The following SPTBN2 variants were observed in gnomAD, a reference collection of about 807,000 sequenced individuals.
The protein encoded by SPTBN2 is spectrin beta chain, non-erythrocytic 2.
Under a neutral mutation model 284.2 loss-of-function variants are expected in SPTBN2, and 107 were observed. The ratio of observed to expected loss-of-function variants is 0.38; its 90% confidence interval spans 0.32 to 0.44. The LOEUF is 0.44. SPTBN2 is among the 20% of genes least tolerant of loss of function. SPTBN2 has a pLI of 1.00. For missense variants in SPTBN2, 2,569 were observed against 3,287.1 expected (o/e 0.78, Z 5.34); for synonymous variants, 1,289 against 1,354.8 (o/e 0.95, Z 1.07).
intron 1 of SPTBN2, among the ~76,000 whole-genome samples, chr11:66,722,892 CAA>C (rs1293210992): frequency 4.9e-4 from 27 of 55,202 alleles, no homozygotes; most frequent in South Asian, 6.3e-4. Context: ...GATTCTGCCT[CAA>C]AAAAAAAAAA....
chr11:66,682,795 C>T lies in SPTBN2; in HGVS notation c.*3076G>A, dbSNP rs960504163. 6.6e-6 allele frequency among the ~76,000 whole-genome samples: 1 copy of T among 151,738 alleles called. No homozygotes were observed. The highest frequency in any genetic ancestry group is 2.4e-5 in the African/African-American group (1 of 41,300). ...TTTTTTTTTTTGAGACAGGGTCTCA[C>T]TTTATTGCCTAGACTGGAGTGCAGT... On this transcript the variant is annotated 3_prime_UTR_variant, in exon 38 of 38. Transcript: ENST00000533211.
chr11:66,718,060 T>C lies in SPTBN2; in HGVS notation c.158-2079A>G, dbSNP rs551367866. Among the ~76,000 whole-genome samples, 66 of 151,986 alleles carry C rather than the reference T, an allele frequency of 4.3e-4. No individual in the cohort carries two copies. The highest frequency in any genetic ancestry group is 8.2e-4 in the Non-Finnish European group (56 of 67,988). On this transcript the variant is annotated intron_variant, in intron 3 of 37. Coordinates refer to ENST00000533211, the MANE Select transcript of SPTBN2 (RefSeq NM_006946.4). The surrounding 1 kb of genome is among the most constrained non-coding windows in gnomAD (Gnocchi z 4.8). ...GGCTCACCCCTCCGCCTCCCCTAAC[T>C]GTCCTGGCCAGCGCTCCACCGCCAG...
At chr11:66,736,707 G>A (rs1010966548) in intron 1 of SPTBN2, among the ~76,000 whole-genome samples, 6 of 152,168 alleles carry the variant, frequency 3.9e-5, no homozygotes, top group Non-Finnish European at 8.8e-5. Context: ...GGAAGGCTTC[G>A]GGGTTCCTCA....
chr11:66,743,138 G>T (rs1182383126), intron 1 of SPTBN2, among the ~76,000 whole-genome samples: 1 of 151,900 alleles, frequency 6.6e-6, no homozygotes, highest in Non-Finnish European at 1.5e-5. Context: ...GGAGCTCTGC[G>T]GGGGGTGTGG....
In SPTBN2 at chr11:66,693,355, T is replaced by A; in HGVS notation, c.4685A>T (p.Glu1562Val). 6.2e-7 allele frequency: 1 copy of A among 1,607,004 alleles called. No homozygotes were observed. Among genetic ancestry groups the A allele is most frequent in the Non-Finnish European group, 8.5e-7 (1 of 1,179,996 alleles). The change falls in exon 24 of 38, where the codon GAG becomes GTG. Residue 1562 changes from glutamate (E) to valine (V), a missense_variant. Glu to Val is a moderately radical substitution (Grantham distance 121, BLOSUM62 -2). Transcript: ENST00000533211. The surrounding 1 kb of genome is among the most constrained non-coding windows in gnomAD (Gnocchi z 5.7). ...RALGAAAAGP[E>V]LAELQEMWKR... ...CCACATTTCCTGCAGCTCAGCCAGC[T>A]CTGGACCTGCTGCTGCTGCACCTAG...
rs760892086 is a variant in SPTBN2, at chr11:66,687,162, C to T, written c.6728G>A (p.Trp2243Ter). 1 of 1,613,802 alleles carries T rather than the reference C, an allele frequency of 6.2e-7. No individual in the cohort carries two copies. The highest frequency in any genetic ancestry group is 1.3e-5 in the African/African-American group (1 of 74,948). The stretch of plus-strand genomic sequence containing the variant: ...CCGCAGGACACAGTACACGTTCTGC[C>T]AGGACCTGCGAGGGACGCGGTGCTG... Reference protein sequence around the residue: ...AFGKKAANRSWQNVYCVLRRG... With the variant: ...AFGKKAANRS Residue 2243 changes from tryptophan (W) to a stop codon, truncating the protein, a stop_gained, in exon 36 of 38, where the codon TGG becomes TAG. Coordinates refer to ENST00000533211, the MANE Select transcript of SPTBN2 (RefSeq NM_006946.4). LOFTEE classifies it high-confidence loss of function. This position sits in a 1 kb window ranked among gnomAD's most constrained non-coding sequence, Gnocchi z 5.2.
At position 66,707,851 on chromosome 11, in the gene SPTBN2, A is replaced by G. The variant is rs1343060119; in HGVS notation, c.1351-33T>C. 1 of 1,602,414 alleles carries G rather than the reference A, an allele frequency of 6.2e-7. No individual in the cohort carries two copies. The highest frequency in any genetic ancestry group is 2.2e-5 in the East Asian group (1 of 44,844). ...GGGGGCAGGGAGAGGAGGTGTGGGG[A>G]CCAAGGGACAGTGCCTCTGCCTGCT... On this transcript the variant is annotated intron_variant, in intron 12 of 37. Transcript: ENST00000533211. The surrounding 1 kb of genome is among the most constrained non-coding windows in gnomAD (Gnocchi z 4.9).
At chr11:66,696,849 T>C (rs563748635) in intron 20 of SPTBN2, among the ~76,000 whole-genome samples, 13 of 152,332 alleles carry the variant, frequency 8.5e-5, no homozygotes, top group African/African-American at 1.4e-4. Context: ...ACACTGCACA[T>C]TGACTTGAGT....
Position 66,688,713 on chromosome 11 carries a change from G to T in SPTBN2, c.6171C>A (p.Ala2057=). Residue 2057 remains alanine (A), a synonymous_variant, in exon 31 of 38, where the codon GCC becomes GCA. Transcript: ENST00000533211. ...EVESLIKRHE[A]FQKSAVAWEE... Reference sequence around the variant, plus strand: ...CCCAGGCCACTGCTGACTTCTGGAAGGCCTCGTGCCGCTTGATGAGGCTCT... The same window carrying T: ...CCCAGGCCACTGCTGACTTCTGGAATGCCTCGTGCCGCTTGATGAGGCTCT... 1 of 1,613,942 alleles carries T rather than the reference G, an allele frequency of 6.2e-7. No individual in the cohort carries two copies. The highest frequency in any genetic ancestry group is 8.5e-7 in the Non-Finnish European group (1 of 1,180,024).
At position 66,691,313 on chromosome 11, in the gene SPTBN2, C is replaced by G. The variant is rs753335851; in HGVS notation, c.5536G>C (p.Glu1846Gln). 3.2e-6 allele frequency: 5 copies of G among 1,544,776 alleles called. No individual in the cohort carries two copies. The South Asian group carries it at 6.2e-5, about 19-fold the overall frequency. The change falls in exon 27 of 38, where the codon GAG becomes CAG. Residue 1846 changes from glutamate (E) to glutamine (Q), a missense_variant. Physicochemically the swap from Glu to Gln is conservative, Grantham distance 29. Coordinates refer to ENST00000533211, the MANE Select transcript of SPTBN2 (RefSeq NM_006946.4). This position sits in a 1 kb window ranked among gnomAD's most constrained non-coding sequence, Gnocchi z 8.0. ...GGGCTGAGGGCCTGAATGTCATGCT[C>G]GTAGGCACAGTGTCGGCGCTGCAGG... The part of the protein sequence containing the change: ...EALQRRHCAY[E>Q]HDIQALSPQV...
rs1941129690 is a variant in SPTBN2 at position 66,699,600 on chromosome 11, A to T, written c.3582T>A (p.Val1194=). ...TCCCTGGCATCTCCGTGTGAGACAGAACATATTCCTGTGTGGGAGGGATGA... is the reference window on the plus strand; with the variant it reads ...TCCCTGGCATCTCCGTGTGAGACAGTACATATTCCTGTGTGGGAGGGATGA... ...AEGVLSSQEY[V]LSHTEMPGTL... The change falls in exon 18 of 38, where the codon GTT becomes GTA. Residue 1194 remains valine, a synonymous_variant. Transcript: ENST00000533211. 6.2e-7 allele frequency: 1 copy of T among 1,613,930 alleles called. No homozygotes were observed. Among genetic ancestry groups the T allele is most frequent in the Non-Finnish European group, 8.5e-7 (1 of 1,180,018 alleles).
chr11:66,686,372 A>C, intron 37 of SPTBN2, 26 bp downstream of exon 37: 1 of 1,614,060 alleles, frequency 6.2e-7, no homozygotes, highest in Non-Finnish European at 8.5e-7. Flanking sequence ...TGGCACGGAC[A>C]GAGAGGAACA....
intron 1 of SPTBN2, among the ~76,000 whole-genome samples, chr11:66,742,731 TC>T (rs1590999950): frequency 1.3e-5 from 2 of 152,186 alleles, no homozygotes; most frequent in East Asian, 3.9e-4. Context: ...TGCCTCAGCC[TC>T]CCAGGTAGCT....
In SPTBN2 at chr11:66,683,121, G is replaced by A. The variant is rs1161595324; in HGVS notation, c.*2750C>T. Among the ~76,000 whole-genome samples the A allele has an allele frequency of 2.8e-4, 37 of 134,006 alleles. No homozygotes were observed. The highest frequency in any genetic ancestry group is 1.4e-4 in the Non-Finnish European group (9 of 65,038). The allele number at this position is 134,006 out of a possible 152,430, so 87.9% of individuals were successfully genotyped here. A position where few individuals can be genotyped will look rare whatever the true frequency, so the allele number is the denominator to read the frequency against. ...CTCGCTCTGTCACCCAGGCTGGAGC[G>A]CAGTGGCGGCATCTCGGCTCACTGC... On this transcript the variant is annotated 3_prime_UTR_variant, in exon 38 of 38. Transcript: ENST00000533211.
rs34806527 is a variant in SPTBN2 at position 66,691,374 on chromosome 11, C to A, written c.5475G>T (p.Pro1825=). Reference sequence around the variant, plus strand: ...CGTTGAGGTCGCGGCCAGTCCCGTCCGGAAGCTGCTGCTGCTTGTGCTGCA... The same window carrying A: ...CGTTGAGGTCGCGGCCAGTCCCGTCAGGAAGCTGCTGCTGCTTGTGCTGCA... The part of the protein sequence containing the change: ...ARVQHKQQQL[P]DGTGRDLNAA... Residue 1825 remains proline (P), a synonymous_variant, in exon 27 of 38, where the codon CCG becomes CCT. Coordinates refer to ENST00000533211, the MANE Select transcript of SPTBN2 (RefSeq NM_006946.4). The surrounding 1 kb of genome is among the most constrained non-coding windows in gnomAD (Gnocchi z 8.0). 1.2e-4 allele frequency: 188 copies of A among 1,594,740 alleles called. No homozygotes were observed. The highest frequency in any genetic ancestry group is 6.7e-4 in the Middle Eastern group (4 of 6,002).
intron 1 of SPTBN2, among the ~76,000 whole-genome samples, chr11:66,737,746 C>A (rs746829415): frequency 6.6e-6 from 1 of 152,146 alleles, no homozygotes; most frequent in Non-Finnish European, 1.5e-5. Context: ...CAACCCTAAA[C>A]ACACTAAATA....
At chr11:66,730,027 C>G (rs1942778325), upstream of SPTBN2, among the ~76,000 whole-genome samples, 1 of 152,036 alleles carries the variant, frequency 6.6e-6, no homozygotes. Flanking sequence ...TTCTTGAACT[C>G]CTGACCTCAG....
intron 7 of SPTBN2, 79 bp downstream of exon 7, chr11:66,714,012 A>C: frequency 7.0e-7 from 1 of 1,426,256 alleles, no homozygotes. Flanking sequence ...AGCTCATCTC[A>C]TCTCTGTCTC....
intron 29 of SPTBN2, 81 bp downstream of exon 29, chr11:66,689,724 G>C: frequency 6.3e-7 from 1 of 1,589,486 alleles, no homozygotes; most frequent in East Asian, 2.2e-5. Context: ...AAGAGAGAAT[G>C]AGAGGAAGCA....
Sources: allele counts gnomAD v4.1 joint callset (sites outside exome capture counted in the v4.1 genomes callset), GRCh38; gene constraint gnomAD v4.1.1; non-coding constraint Gnocchi (gnomAD v3.1); transcripts MANE v1.5; gene names NCBI Gene and HGNC (gene_info 2026-07-23, HGNC 2026-07-21).